The following MARCHF1 variants were observed in gnomAD, a reference collection of about 807,000 sequenced individuals.
MARCHF1 encodes E3 ubiquitin-protein ligase MARCHF1.
MARCHF1 carries 40 observed loss-of-function variants against 54.2 expected under a neutral mutation model. That is an observed-to-expected ratio of 0.74 (90% CI 0.57 to 0.96). The LOEUF is 0.96. Ranked by LOEUF, MARCHF1 falls within the 40% of genes least tolerant of loss-of-function variation. The pLI is 0.00. For synonymous variants in MARCHF1, 236 were observed against 236.3 expected (o/e 1.00, Z 0.01); for missense variants, 586 against 656.5 (o/e 0.89, Z 1.17).
At chr4:163,841,108 T>A (rs1376419226) in intron 4 of MARCHF1, among the ~76,000 whole-genome samples, 1 of 152,062 alleles carries the variant, frequency 6.6e-6, no homozygotes, top group African/African-American at 2.4e-5. Flanking sequence ...AATTAATACA[T>A]GGGGACCAGG....
At chr4:164,220,548 CTA>C (rs1732068172) in intron 1 of MARCHF1, among the ~76,000 whole-genome samples, 1 of 141,732 alleles carries the variant, frequency 7.1e-6, no homozygotes, top group Admixed American at 7.2e-5. Context: ...TATATATGTA[CTA>C]TATATGATAT....
chr4:163,663,980 C>A (rs895995999), intron 5 of MARCHF1, among the ~76,000 whole-genome samples: 3 of 151,084 alleles, frequency 2.0e-5, no homozygotes, highest in Non-Finnish European at 4.4e-5. Flanking sequence ...AAACAGCTGA[C>A]AAATGCAATC....
Position 163,890,091 on chromosome 4 carries a change from AT to A in MARCHF1, c.-38-35923del, listed in dbSNP as rs565005714. Reference sequence around the variant, plus strand: ...AAACACCCACCACCATGCCCGGCTAATTTTTTTTTTTTTTTTGTATTTTTAG... The same window carrying A: ...AAACACCCACCACCATGCCCGGCTAATTTTTTTTTTTTTTTGTATTTTTAG... On this transcript the variant is annotated intron_variant, in intron 3 of 9. Transcript: ENST00000514618. 9.0e-3 allele frequency among the ~76,000 whole-genome samples: 1,234 copies of A among 136,556 alleles called. 7 individuals carry two copies. The highest frequency in any genetic ancestry group is 0.014 in the Non-Finnish European group (879 of 63,790). 89.6% of individuals were successfully genotyped at this position (136,556 alleles called of 152,430 possible). A position where few individuals can be genotyped will look rare whatever the true frequency, so the allele number is the denominator to read the frequency against.
At chr4:164,336,630 A>T (rs1579731095) in intron 1 of MARCHF1, among the ~76,000 whole-genome samples, 1 of 152,354 alleles carries the variant, frequency 6.6e-6, no homozygotes, top group East Asian at 1.9e-4. Flanking sequence ...TTCTTTAAGA[A>T]TAAAAATCAC....
At chr4:163,834,661 A>G (rs1749128936) in intron 4 of MARCHF1, among the ~76,000 whole-genome samples, 1 of 141,096 alleles carries the variant, frequency 7.1e-6, no homozygotes, top group Non-Finnish European at 1.5e-5. Context: ...CATGGATGAA[A>G]TTGGAAATCA....
intron 3 of MARCHF1, among the ~76,000 whole-genome samples, chr4:163,887,438 G>A (rs1750563348): frequency 6.6e-6 from 1 of 152,078 alleles, no homozygotes; most frequent in Non-Finnish European, 1.5e-5. Context: ...AAGTGTCCCA[G>A]AGTTTGCTAC....
chr4:163,675,475 A>C (rs910530013), intron 5 of MARCHF1, among the ~76,000 whole-genome samples: 2 of 152,222 alleles, frequency 1.3e-5, no homozygotes, highest in African/African-American at 4.8e-5. Context: ...AGAGAGTGAA[A>C]GAACAAGCAC....
intron 2 of MARCHF1, among the ~76,000 whole-genome samples, chr4:164,088,587 CTT>C (rs1399752481): frequency 3.3e-5 from 5 of 151,796 alleles, no homozygotes; most frequent in Admixed American, 6.6e-5. Flanking sequence ...AAAATACAAA[CTT>C]TGGGCTGGCA....
chr4:163,695,189 T>C (rs1355023525), intron 5 of MARCHF1, among the ~76,000 whole-genome samples: 1 of 152,164 alleles, frequency 6.6e-6, no homozygotes, highest in African/African-American at 2.4e-5. Flanking sequence ...TCTCAGTACA[T>C]TTTATACATA....
chr4:163,614,217 T>A (rs897004176), intron 5 of MARCHF1, among the ~76,000 whole-genome samples: 1 of 152,120 alleles, frequency 6.6e-6, no homozygotes, highest in Non-Finnish European at 1.5e-5. Flanking sequence ...ATCTCACAAG[T>A]GGAAAGTAAT....
At chr4:164,116,686 C>T (rs893390905) in intron 1 of MARCHF1, among the ~76,000 whole-genome samples, 1 of 151,958 alleles carries the variant, frequency 6.6e-6, no homozygotes, top group Non-Finnish European at 1.5e-5. Flanking sequence ...AACTATCATC[C>T]TGAACACCAT....
chr4:163,964,047 A>G (rs1353150745), intron 3 of MARCHF1, among the ~76,000 whole-genome samples: 4 of 151,988 alleles, frequency 2.6e-5, no homozygotes, highest in Non-Finnish European at 5.9e-5. Context: ...CAATAAGCCA[A>G]AGGGTTTTCT....
intron 4 of MARCHF1, among the ~76,000 whole-genome samples, chr4:163,781,521 A>G (rs1469468597): frequency 6.6e-6 from 1 of 152,220 alleles, no homozygotes; most frequent in Non-Finnish European, 1.5e-5. Flanking sequence ...ATTGGAAATA[A>G]TTAATTTGGA....
intron 4 of MARCHF1, among the ~76,000 whole-genome samples, chr4:163,771,526 C>T (rs1747160953): frequency 6.6e-6 from 1 of 152,192 alleles, no homozygotes; most frequent in Admixed American, 6.5e-5. Context: ...TATCTTCACG[C>T]AGTAGAAAGA....
intron 1 of MARCHF1, among the ~76,000 whole-genome samples, chr4:164,346,707 G>C (rs1036069132): frequency 2.1e-5 from 3 of 140,848 alleles, no homozygotes; most frequent in Non-Finnish European, 4.5e-5. Context: ...CATGAAAAAT[G>C]CTTATTCTTT....
At chr4:163,575,441 T>C (rs556579255) in intron 8 of MARCHF1, among the ~76,000 whole-genome samples, 1 of 152,228 alleles carries the variant, frequency 6.6e-6, no homozygotes, top group East Asian at 1.9e-4. Flanking sequence ...TTGATATCTG[T>C]TGCATTTAGT....
At chr4:164,200,931 A>G (rs1731433798) in intron 1 of MARCHF1, among the ~76,000 whole-genome samples, 2 of 152,166 alleles carry the variant, frequency 1.3e-5, no homozygotes, top group Admixed American at 6.5e-5. Context: ...CAGAATGAAG[A>G]GCCAGGACCA....
At chr4:163,678,208 G>C (rs1053241584) in intron 5 of MARCHF1, among the ~76,000 whole-genome samples, 1 of 152,148 alleles carries the variant, frequency 6.6e-6, no homozygotes, top group Non-Finnish European at 1.5e-5. Context: ...GAAAACACTT[G>C]AACTTCATTT....
intron 1 of MARCHF1, among the ~76,000 whole-genome samples, chr4:164,132,180 T>A (rs956241002): frequency 3.3e-5 from 5 of 152,150 alleles, no homozygotes; most frequent in Admixed American, 6.6e-5. Context: ...CCTTTCTCCC[T>A]CCCCGTCTTC....
Sources: allele counts gnomAD v4.1 joint callset (sites outside exome capture counted in the v4.1 genomes callset), GRCh38; gene constraint gnomAD v4.1.1; transcripts MANE v1.5; gene names NCBI Gene and HGNC (gene_info 2026-07-23, HGNC 2026-07-21).